Variants in NRL observed in about 807,000 individuals in gnomAD.
NRL encodes the protein neural retina-specific leucine zipper protein.
A neutral mutation model predicts 12.5 loss-of-function variants in NRL; 16 were observed. The ratio of observed to expected loss-of-function variants is 1.28; its 90% CI spans 0.87 to 1.95. The LOEUF is 1.95. Among genes scored for constraint, NRL ranks in the 30% most tolerant of loss-of-function variants. The pLI is 0.00. For synonymous variants in NRL, 142 were observed against 150.9 expected (o/e 0.94, Z 0.43); for missense variants, 314 against 325.8 (o/e 0.96, Z 0.28).
In NRL at chr14:24,081,604, A is replaced by G; in HGVS notation, c.382-36T>C. On this transcript the variant is annotated intron_variant, in intron 2 of 2. Transcript: ENST00000561028. The surrounding 1 kb of genome is among the most constrained non-coding windows in gnomAD (Gnocchi z 4.4). The stretch of plus-strand genomic sequence containing the variant: ...AGAATGCAGAAACCGGGTCAGCGCC[A>G]GGTCGCACCCGGCTCTGCCCTGAGG... 1 of 1,560,392 alleles carries G rather than the reference A, an allele frequency of 6.4e-7. No individual in the cohort carries two copies. Among genetic ancestry groups the G allele is most frequent in the Non-Finnish European group, 8.7e-7 (1 of 1,153,670 alleles).
At chr14:24,105,063 C>T (rs900622808) in intron 1 of NRL, among the ~76,000 whole-genome samples, 2 of 152,202 alleles carry the variant, frequency 1.3e-5, no homozygotes, top group African/African-American at 2.4e-5. Context: ...GATTTACCCA[C>T]GTGTTTATTG....
At chr14:24,099,457 A>T in intron 1 of NRL, 11 of 1,173,386 alleles carry the variant, frequency 9.4e-6, no homozygotes, top group Non-Finnish European at 1.3e-5. Flanking sequence ...TAGTTAATAA[A>T]CATTGGTCCT....
intron 1 of NRL, chr14:24,100,339 G>A (rs1185768267): frequency 6.7e-7 from 1 of 1,489,080 alleles, no homozygotes; most frequent in Admixed American, 2.6e-5. Context: ...ATGAACGTTT[G>A]CAGTTTCCAG....
chr14:24,084,654 G>A (rs2036421012), intron 1 of NRL: 17 of 985,316 alleles, frequency 1.7e-5, no homozygotes, highest in African/African-American at 1.7e-5. Flanking sequence ...GAGCCCAAAG[G>A]GCATTCTTAA....
Position 24,099,865 on chromosome 14 carries a change from G to A in NRL, c.-28+14857C>T, listed in dbSNP as rs753999072. 82 of 1,573,362 alleles carry A rather than the reference G, an allele frequency of 5.2e-5. No individual in the cohort carries two copies. In the Middle Eastern group the frequency reaches 6.7e-4, roughly 13 times the overall value. The stretch of plus-strand genomic sequence containing the variant: ...CATTCCTCTGGCAGCCCAGCCACCC[G>A]AGAGACAGCCTTTCCTCATCAGATC... On this transcript the variant is annotated intron_variant, in intron 1 of 2. Coordinates refer to ENST00000561028, the MANE Select transcript of NRL (RefSeq NM_001354768.3).
At chr14:24,104,099 A>C in intron 1 of NRL, 1 of 640,180 alleles carries the variant, frequency 1.6e-6, no homozygotes, top group Non-Finnish European at 2.8e-6. Flanking sequence ...AAGACTGTCC[A>C]ATAATAAGAG....
rs1306523009 is a variant in NRL at position 24,081,722 on chromosome 14, C to T, written c.382-154G>A. The T allele has an allele frequency of 3.9e-6, 6 of 1,523,832 alleles. No individual in the cohort carries two copies. The African/African-American group carries it at 8.3e-5, about 21-fold the overall frequency. The allele number at this position is 1,523,832 out of a possible 1,614,324, so 94.4% of individuals were successfully genotyped here. A position where few individuals can be genotyped will look rare whatever the true frequency, so the allele number is the denominator to read the frequency against. On this transcript the variant is annotated intron_variant, in intron 2 of 2. Transcript: ENST00000561028. This position sits in a 1 kb window ranked among gnomAD's most constrained non-coding sequence, Gnocchi z 4.4. ...CCCTTCCACGCAGTCTGTTTCGGTC[C>T]AGAGCCCGCCCCAGGCCCCGACGCT...
intron 1 of NRL, among the ~76,000 whole-genome samples, chr14:24,106,624 G>A (rs1363587883): frequency 1.3e-5 from 2 of 152,044 alleles, no homozygotes; most frequent in Non-Finnish European, 2.9e-5. Context: ...AGGAAGCTGA[G>A]GCGGGAGAAT....
At chr14:24,098,238 G>A (rs765912476) in intron 1 of NRL, 10 of 1,613,562 alleles carry the variant, frequency 6.2e-6, no homozygotes, top group Admixed American at 3.3e-5. Context: ...GATGTGGCAC[G>A]AGTAGAGAGC....
chr14:24,108,347 G>A (rs905366363), intron 1 of NRL, among the ~76,000 whole-genome samples: 6 of 152,090 alleles, frequency 3.9e-5, no homozygotes, highest in African/African-American at 1.4e-4. Context: ...AGGGCTAAAG[G>A]GTTTTCTGGA....
chr14:24,097,389 GA>G (rs529973280), intron 1 of NRL, among the ~76,000 whole-genome samples: 3,630 of 118,620 alleles, frequency 0.031, 51 homozygotes, highest in African/African-American at 0.039. Context: ...CGTCTCTACT[GA>G]AAAAAAAAAA....
chr14:24,085,396 GTC>G lies in NRL; in HGVS notation c.-27-2523_-27-2522del, dbSNP rs1295057989. Among the ~76,000 whole-genome samples, 2 of 152,126 alleles carry G rather than the reference GTC, an allele frequency of 1.3e-5. No homozygotes were observed. Among genetic ancestry groups the G allele is most frequent in the Non-Finnish European group, 2.9e-5 (2 of 68,016 alleles). ...TTTCTCTCACCTTTTCCCTGTGTGT[GTC>G]TCTGCCCCTCTCTCCTCTCTCACTC... On this transcript the variant is annotated intron_variant, in intron 1 of 2. Coordinates refer to ENST00000561028, the MANE Select transcript of NRL (RefSeq NM_001354768.3). This position sits in a 1 kb window ranked among gnomAD's most constrained non-coding sequence, Gnocchi z 4.1.
rs772252903 is a variant in NRL at position 24,082,743 on chromosome 14, T to C, written c.106A>G (p.Thr36Ala). Reference sequence around the variant, plus strand: ...TAAGGTGTGGAGCCCAGTGAGGCTGTAGGGGGGCCAGGTCGGCCCTCAGAG... The same window carrying C: ...TAAGGTGTGGAGCCCAGTGAGGCTGCAGGGGGGCCAGGTCGGCCCTCAGAG... Reference protein sequence around the residue: ...EPSEGRPGPPTASLGSTPYSS... With the variant: ...EPSEGRPGPPAASLGSTPYSS... The change falls in exon 2 of 3, where the codon ACA becomes GCA. Residue 36 changes from threonine (T) to alanine (A), a missense_variant. By Grantham distance (58) the Thr-to-Ala change is moderately conservative (BLOSUM62 0). Transcript: ENST00000561028. 2.2e-5 allele frequency: 36 copies of C among 1,614,190 alleles called. No individual in the cohort carries two copies. The highest frequency in any genetic ancestry group is 2.7e-5 in the Non-Finnish European group (32 of 1,180,024).
At position 24,081,543 on chromosome 14, in the gene NRL, G is replaced by A. The variant is rs375075312; in HGVS notation, c.407C>T (p.Ala136Val). 201 of 1,602,834 alleles carry A rather than the reference G, an allele frequency of 1.3e-4. No homozygotes were observed. The highest frequency in any genetic ancestry group is 1.5e-4 in the Non-Finnish European group (181 of 1,176,196). Residue 136 changes from alanine (A) to valine (V), a missense_variant, in exon 3 of 3, where the codon GCG becomes GTG. Coordinates refer to ENST00000561028, the MANE Select transcript of NRL (RefSeq NM_001354768.3). This position sits in a 1 kb window ranked among gnomAD's most constrained non-coding sequence, Gnocchi z 4.4. ...VQLAERFSDAALVSMSVRELN... is the reference protein window; with the variant it reads ...VQLAERFSDAVLVSMSVRELN... ...CTCCCGCACAGACATCGAGACCAGC[G>A]CCGCGTCGGAAAACCGCTCTGCCAG... is the stretch of plus-strand genomic sequence containing the variant.
rs1403948989 is a variant in NRL, at chr14:24,094,409, G to A, written c.-27-11534C>T. 6.4e-7 allele frequency: 1 copy of A among 1,560,048 alleles called. No homozygotes were observed. The highest frequency in any genetic ancestry group is 2.4e-5 in the East Asian group (1 of 40,968). On this transcript the variant is annotated intron_variant, in intron 1 of 2. Coordinates refer to ENST00000561028, the MANE Select transcript of NRL (RefSeq NM_001354768.3). The surrounding 1 kb of genome is among the most constrained non-coding windows in gnomAD (Gnocchi z 4.1). Reference sequence around the variant, plus strand: ...CCGCAGCCCCTGCCCAGGTGCCATGGCCGCATTGTACCGCCCTGGCCTGCG... The same window carrying A: ...CCGCAGCCCCTGCCCAGGTGCCATGACCGCATTGTACCGCCCTGGCCTGCG...
chr14:24,092,904 G>C (rs2036680577), intron 1 of NRL, among the ~76,000 whole-genome samples: 1 of 152,236 alleles, frequency 6.6e-6, no homozygotes, highest in South Asian at 2.1e-4. Context: ...TCTCAGCCAG[G>C]TTCCTGCTTT....
chr14:24,078,978 A>T lies in NRL; in HGVS notation c.*2258T>A, dbSNP rs1031107721. On this transcript the variant is annotated 3_prime_UTR_variant, in exon 3 of 3. Transcript: ENST00000561028. ...ATTACATCTGAATTTATTTTATTTT[A>T]TTTTTTTGTAGTGACAGGGTTCTCG... Among the ~76,000 whole-genome samples, 2 of 151,832 alleles carry T rather than the reference A, an allele frequency of 1.3e-5. No homozygotes were observed. Among genetic ancestry groups the T allele is most frequent in the African/African-American group, 4.8e-5 (2 of 41,284 alleles).
At chr14:24,100,108 A>C (rs751739241) in intron 1 of NRL, 1 of 1,612,708 alleles carries the variant, frequency 6.2e-7, no homozygotes, top group Non-Finnish European at 8.5e-7. Context: ...TATTTTTACC[A>C]ATGTGGCTGA....
rs1566556328 is a variant in NRL at position 24,079,510 on chromosome 14, CG to C, written c.*1725del. On this transcript the variant is annotated 3_prime_UTR_variant, in exon 3 of 3. Transcript: ENST00000561028. ...CCAATGGTGGGGAAGGGAGAGGAGA[CG>C]AGAGAAATTCTGAGAGCGATGGAGG... Among the ~76,000 whole-genome samples, 2 of 151,962 alleles carry C rather than the reference CG, an allele frequency of 1.3e-5. No homozygotes were observed. The highest frequency in any genetic ancestry group is 4.8e-5 in the African/African-American group (2 of 41,346).
Sources: gnomAD v4.1 joint callset for allele counts (sites outside exome capture counted in the v4.1 genomes callset) on GRCh38, gnomAD v4.1.1 for gene constraint, Gnocchi (gnomAD v3.1) non-coding constraint, MANE v1.5 for transcripts, NCBI Gene and HGNC (gene_info 2026-07-23, HGNC 2026-07-21) for gene names.